The following FAM120AOS variants were observed in gnomAD, a reference collection of about 807,000 sequenced individuals.
The protein encoded by FAM120AOS is family with sequence similarity 120 member A opposite strand, also known as uncharacterized protein FAM120AOS.
FAM120AOS carries 15 observed loss-of-function variants against 20.2 expected under a neutral mutation model. That is an observed-to-expected ratio of 0.74 (90% CI 0.50 to 1.15). FAM120AOS has a LOEUF of 1.15. FAM120AOS is among the 50% of genes most tolerant of loss of function. The pLI, the probability that FAM120AOS is intolerant of heterozygous loss-of-function variation, is 0.00. For synonymous variants in FAM120AOS, 154 were observed against 154.0 expected, an observed-to-expected ratio of 1.00 and a Z score of 0.00; for missense variants, 327 against 351.9, an observed-to-expected ratio of 0.93 and a Z score of 0.57.
chr9:93,450,753 C>A (rs1223261824), intron 1 of FAM120AOS, 154 bp from the exon 2 acceptor site: 1 of 1,235,364 alleles, frequency 8.1e-7, no homozygotes, highest in Non-Finnish European at 1.2e-6. Context: ...GTATCAACCT[C>A]ATTTTAGAAG....
intron 1 of FAM120AOS, chr9:93,451,607 G>A: frequency 1.0e-6 from 1 of 982,460 alleles, no homozygotes. Flanking sequence ...GCGGGCCTGG[G>A]CGGCGTCCGC....
At position 93,450,927 on chromosome 9, in the gene FAM120AOS, T is replaced by C; in HGVS notation, c.564-328A>G. 2.4e-6 allele frequency: 3 copies of C among 1,243,044 alleles called. No homozygotes were observed. In the South Asian group the frequency reaches 3.9e-5, roughly 16 times the overall value. 77.0% of individuals were successfully genotyped at this position (1,243,044 alleles called of 1,614,324 possible). ...CATTGCGCAGTGGTAACGCAGGCTT[T>C]CCCACGCTGCAACAGACCTGTGCTC... On this transcript the variant is annotated intron_variant, in intron 1 of 2. Transcript: ENST00000375412.
At chr9:93,451,411 G>C (rs1857179979) in intron 1 of FAM120AOS, 6 of 1,349,388 alleles carry the variant, frequency 4.4e-6, no homozygotes, top group Non-Finnish European at 5.7e-6. Flanking sequence ...CAGGGCGCAG[G>C]GGAGGGGAGC....
At position 93,445,232 on chromosome 9, in the gene FAM120AOS, G is replaced by T. The variant is rs538951815; in HGVS notation, c.*2379C>A. 8.5e-5 allele frequency among the ~76,000 whole-genome samples: 13 copies of T among 152,100 alleles called. No homozygotes were observed. The East Asian group carries it at 2.3e-3, about 27-fold the overall frequency. ...CAGCATTCCTTTTCCCTTCCTAAAG[G>T]TACTCAGGTTTCTTTCTCAGAAATT... On this transcript the variant is annotated 3_prime_UTR_variant, in exon 3 of 3. Coordinates refer to ENST00000375412, the MANE Select transcript of FAM120AOS (RefSeq NM_198841.4).
chr9:93,451,649 GCCCGC>G, intron 1 of FAM120AOS: 1 of 978,364 alleles, frequency 1.0e-6, no homozygotes, highest in Non-Finnish European at 1.2e-6. Flanking sequence ...AGCGCCGCCC[GCCCGC>G]CCCGCCCCGG....
At position 93,452,887 on chromosome 9, in the gene FAM120AOS, G is replaced by T; in HGVS notation, c.-178C>A. On this transcript the variant is annotated 5_prime_UTR_variant, in exon 1 of 3. Transcript: ENST00000375412. The surrounding 1 kb of genome is among the most constrained non-coding windows in gnomAD (Gnocchi z 7.0). ...TGCAAATATCAGTGCTGCTGCCGCC[G>T]CCCTTGCCAATGTTGTTAGCCCGGT... 1 of 1,445,758 alleles carries T rather than the reference G, an allele frequency of 6.9e-7. No homozygotes were observed. The highest frequency in any genetic ancestry group is 2.9e-5 in the Admixed American group (1 of 35,072). The allele number at this position is 1,445,758 out of a possible 1,614,324, so 89.6% of individuals were successfully genotyped here.
Position 93,445,810 on chromosome 9 carries a change from A to G in FAM120AOS, c.*1801T>C, listed in dbSNP as rs1415923912. On this transcript the variant is annotated 3_prime_UTR_variant, in exon 3 of 3. Coordinates refer to ENST00000375412, the MANE Select transcript of FAM120AOS (RefSeq NM_198841.4). Reference sequence around the variant, plus strand: ...ATCATGTTGCCTCAAGAAAAATAACATCATGGTAATACTAAGTCTTTTATC... The same window carrying G: ...ATCATGTTGCCTCAAGAAAAATAACGTCATGGTAATACTAAGTCTTTTATC... Among the ~76,000 whole-genome samples the G allele has an allele frequency of 6.6e-6, 1 of 152,122 alleles. No homozygotes were observed. Among genetic ancestry groups the G allele is most frequent in the African/African-American group, 2.4e-5 (1 of 41,414 alleles).
intron 2 of FAM120AOS, among the ~76,000 whole-genome samples, chr9:93,448,018 T>C (rs937226065): frequency 6.6e-6 from 1 of 152,218 alleles, no homozygotes; most frequent in African/African-American, 2.4e-5. Context: ...GAATCCCTAG[T>C]GTGGATTAAT....
intron 2 of FAM120AOS, 34 bp downstream of exon 2, chr9:93,450,445 G>C (rs1377406514): frequency 1.3e-6 from 2 of 1,537,332 alleles, no homozygotes. Flanking sequence ...TTTGAGGTGG[G>C]TATCAGAAAA....
At chr9:93,448,603 A>G (rs929312251) in intron 2 of FAM120AOS, 2 of 152,852 alleles carry the variant, frequency 1.3e-5, no homozygotes, top group African/African-American at 4.8e-5. Context: ...TTAAATTTTA[A>G]ATACAGATGT....
chr9:93,447,433 G>T lies in FAM120AOS; in HGVS notation c.*178C>A. 1 of 602,292 alleles carries T rather than the reference G, an allele frequency of 1.7e-6. No individual in the cohort carries two copies. 37.3% of individuals were successfully genotyped at this position (602,292 alleles called of 1,614,324 possible). ...CCTCTCTTGACCTTCACATTCAGAT[G>T]TGTTAATAAAAGTGGATAAAGACCA... On this transcript the variant is annotated 3_prime_UTR_variant, in exon 3 of 3. Coordinates refer to ENST00000375412, the MANE Select transcript of FAM120AOS (RefSeq NM_198841.4).
Position 93,452,443 on chromosome 9 carries a change from C to G in FAM120AOS, c.267G>C (p.Gly89=), listed in dbSNP as rs776773791. 38 of 1,560,072 alleles carry G rather than the reference C, an allele frequency of 2.4e-5. No individual in the cohort carries two copies. The highest frequency in any genetic ancestry group is 3.2e-5 in the Non-Finnish European group (37 of 1,155,220). ...GACCGGGGCCGCGCCGCACCCCTAT[C>G]CCCCTTCCCAGGGCGCAGAATGTCG... ...GRATFCALGR[G]IGVRRGPGPR... The change falls in exon 1 of 3, where the codon GGG becomes GGC. Residue 89 remains glycine (G), a synonymous_variant. Transcript: ENST00000375412. The surrounding 1 kb of genome is among the most constrained non-coding windows in gnomAD (Gnocchi z 7.0).
At chr9:93,451,961 A>G in intron 1 of FAM120AOS, 186 bp downstream of exon 1, 2 of 1,536,280 alleles carry the variant, frequency 1.3e-6, no homozygotes, top group Non-Finnish European at 1.7e-6. Context: ...GCACTGCCCG[A>G]GCGCCGTGGT....
In FAM120AOS at chr9:93,451,217, G is replaced by C. The variant is rs1183262594; in HGVS notation, c.564-618C>G. 3.3e-6 allele frequency: 5 copies of C among 1,527,842 alleles called. No individual in the cohort carries two copies. The African/African-American group carries it at 5.5e-5, about 17-fold the overall frequency. 94.6% of individuals were successfully genotyped at this position (1,527,842 alleles called of 1,614,324 possible). ...CAGGCCCAGAGTGGTGCGAGCCGAC[G>C]GCGGCGTTAGAAAGGCGGCGTCCCG... is the stretch of plus-strand genomic sequence containing the variant. On this transcript the variant is annotated intron_variant, in intron 1 of 2. Coordinates refer to ENST00000375412, the MANE Select transcript of FAM120AOS (RefSeq NM_198841.4).
chr9:93,452,677 G>GTC lies in FAM120AOS; in HGVS notation c.31_32dup (p.Asp11GlufsTer81), dbSNP rs767388441. 1.3e-5 allele frequency: 21 copies of GTC among 1,598,688 alleles called. No individual in the cohort carries two copies. Among genetic ancestry groups the GTC allele is most frequent in the Non-Finnish European group, 1.6e-5 (19 of 1,179,922 alleles). ...CGGACCAGAATTCGGAGGCGACAGT[G>GTC]TCATCATCCCCAATATCCTTAGTTT... is the stretch of plus-strand genomic sequence containing the variant. On this transcript the variant is annotated frameshift_variant, in exon 1 of 3. Transcript: ENST00000375412. LOFTEE classifies it high-confidence loss of function. This position sits in a 1 kb window ranked among gnomAD's most constrained non-coding sequence, Gnocchi z 7.0.
chr9:93,449,556 G>A (rs1465055213), intron 2 of FAM120AOS, among the ~76,000 whole-genome samples: 1 of 144,054 alleles, frequency 6.9e-6, no homozygotes, highest in East Asian at 2.0e-4. Flanking sequence ...GTGCAGTGGC[G>A]TGATCACTGC....
Position 93,452,923 on chromosome 9 carries a change from C to A in FAM120AOS, c.-214G>T. 1 of 1,424,788 alleles carries A rather than the reference C, an allele frequency of 7.0e-7. No individual in the cohort carries two copies. The highest frequency in any genetic ancestry group is 9.1e-7 in the Non-Finnish European group (1 of 1,096,224). The allele number at this position is 1,424,788 out of a possible 1,614,324, so 88.3% of individuals were successfully genotyped here. A position where few individuals can be genotyped will look rare whatever the true frequency, so the allele number is the denominator to read the frequency against. On this transcript the variant is annotated 5_prime_UTR_variant, in exon 1 of 3. Coordinates refer to ENST00000375412, the MANE Select transcript of FAM120AOS (RefSeq NM_198841.4). This position sits in a 1 kb window ranked among gnomAD's most constrained non-coding sequence, Gnocchi z 7.0. ...TGTTGTTAGCCCGGTGACAGCGAGACGTGTCTAAGGGCCAGTGCCCTGGCC... is the reference window on the plus strand; with the variant it reads ...TGTTGTTAGCCCGGTGACAGCGAGAAGTGTCTAAGGGCCAGTGCCCTGGCC...
rs373936204 is a variant in FAM120AOS at position 93,445,057 on chromosome 9, G to T, written c.*2554C>A. Among the ~76,000 whole-genome samples the T allele has an allele frequency of 3.3e-4, 50 of 152,320 alleles. No individual in the cohort carries two copies. The highest frequency in any genetic ancestry group is 1.1e-3 in the African/African-American group (47 of 41,578). ...TTCTTGAGATGTTTGGGCTGACCAT[G>T]AAGGGATCCATTATCTGAAGAGTGG... is the stretch of plus-strand genomic sequence containing the variant. On this transcript the variant is annotated 3_prime_UTR_variant, in exon 3 of 3. Transcript: ENST00000375412.
chr9:93,447,535 C>A lies in FAM120AOS; in HGVS notation c.*76G>T. The A allele has an allele frequency of 7.9e-7, 1 of 1,266,160 alleles. No individual in the cohort carries two copies. The highest frequency in any genetic ancestry group is 1.2e-5 in the South Asian group (1 of 80,864). The allele number at this position is 1,266,160 out of a possible 1,614,324, so 78.4% of individuals were successfully genotyped here. A position where few individuals can be genotyped will look rare whatever the true frequency, so the allele number is the denominator to read the frequency against. ...AGAAGCTGAGGAATGGTGAATAGAG[C>A]ATTTTCCCTCACACGATGGGTATCA... On this transcript the variant is annotated 3_prime_UTR_variant, in exon 3 of 3. Coordinates refer to ENST00000375412, the MANE Select transcript of FAM120AOS (RefSeq NM_198841.4).
Sources: gnomAD v4.1 joint callset for allele counts (sites outside exome capture counted in the v4.1 genomes callset) on GRCh38, gnomAD v4.1.1 for gene constraint, Gnocchi (gnomAD v3.1) non-coding constraint, MANE v1.5 for transcripts, NCBI Gene and HGNC (gene_info 2026-07-23, HGNC 2026-07-21) for gene names.